The following KALRN variants were observed in gnomAD, a reference collection of about 807,000 sequenced individuals.
KALRN encodes the protein kalirin RhoGEF kinase.
KALRN carries 70 observed loss-of-function variants against 353.7 expected under a neutral mutation model. The observed-to-expected ratio is 0.20, with a 90% confidence interval of 0.16 to 0.24. The LOEUF is 0.24. KALRN is among the 10% of genes least tolerant of loss of function. The pLI, the probability that KALRN is intolerant of heterozygous loss-of-function variation, is 1.00. For synonymous variants in KALRN, 1,391 were observed against 1,434.8 expected (o/e 0.97, Z 0.69); for missense variants, 2,791 against 3,756.7 (o/e 0.74, Z 6.72).
intron 1 of KALRN, among the ~76,000 whole-genome samples, chr3:124,058,205 A>G (rs186776750): frequency 1.3e-5 from 2 of 152,234 alleles, no homozygotes; most frequent in African/African-American, 2.4e-5. Context: ...ATTCAAGATG[A>G]GATTTGGGTG....
intron 3 of KALRN, among the ~76,000 whole-genome samples, chr3:124,239,429 C>A (rs2080177232): frequency 6.6e-6 from 1 of 152,188 alleles, no homozygotes; most frequent in South Asian, 2.1e-4. Context: ...CTCCTAAGGG[C>A]ACCAGTTGAT....
intron 34 of KALRN, among the ~76,000 whole-genome samples, chr3:124,629,378 C>T (rs1276510562): frequency 1.3e-5 from 2 of 151,694 alleles, no homozygotes; most frequent in East Asian, 1.9e-4. Context: ...AAAGCAGTAA[C>T]AACAACAACA....
At chr3:124,697,930 G>A (rs1277807629) in intron 55 of KALRN, among the ~76,000 whole-genome samples, 1 of 152,040 alleles carries the variant, frequency 6.6e-6, no homozygotes, top group East Asian at 1.9e-4. Flanking sequence ...CCAAAGTGCT[G>A]GGATTACAGG....
At chr3:124,221,967 T>G (rs2077968302) in intron 1 of KALRN, among the ~76,000 whole-genome samples, 1 of 152,150 alleles carries the variant, frequency 6.6e-6, no homozygotes, top group Non-Finnish European at 1.5e-5. Flanking sequence ...ACCCCTCCTT[T>G]CTGTTTCCTG....
intron 34 of KALRN, among the ~76,000 whole-genome samples, chr3:124,603,878 A>G (rs180967151): frequency 1.3e-5 from 2 of 152,278 alleles, no homozygotes; most frequent in African/African-American, 4.8e-5. Context: ...TCTCTAGAAT[A>G]ATACATTATA....
chr3:124,634,400 G>A (rs2081130599), intron 36 of KALRN, among the ~76,000 whole-genome samples: 1 of 152,210 alleles, frequency 6.6e-6, no homozygotes. Context: ...ATTTTGCAAT[G>A]ACGGTATGAG....
chr3:124,334,089 C>A lies in KALRN; in HGVS notation c.1417-176C>A, dbSNP rs905046373. ...CAGGGGATTCCAGCTGCTCTGCCCT[C>A]CACCAGGCCGGAGGATGGGCCCCAT... On this transcript the variant is annotated intron_variant, in intron 8 of 59. Coordinates refer to ENST00000682506, the MANE Select transcript of KALRN (RefSeq NM_001388419.1). The surrounding 1 kb of genome is among the most constrained non-coding windows in gnomAD (Gnocchi z 4.2). 1.3e-5 allele frequency among the ~76,000 whole-genome samples: 2 copies of A among 152,204 alleles called. No homozygotes were observed. The highest frequency in any genetic ancestry group is 2.9e-5 in the Non-Finnish European group (2 of 68,036).
chr3:124,088,650 A>G (rs1357341993), intron 1 of KALRN, among the ~76,000 whole-genome samples: 3 of 152,152 alleles, frequency 2.0e-5, no homozygotes, highest in Non-Finnish European at 1.5e-5. Flanking sequence ...GTTTTATGGG[A>G]TTAGTCTTAT....
Position 124,347,238 on chromosome 3 carries a change from G to A in KALRN, c.1743G>A (p.Arg581=). The stretch of plus-strand genomic sequence containing the variant: ...ATCGAGCCCGGGCCCTGCAGAAGAG[G>A]CATGATGACTTTGAAGAGGTGGCTC... The part of the protein sequence containing the change: ...SLHRARALQK[R]HDDFEEVAQN... Residue 581 remains arginine, a synonymous_variant, in exon 10 of 60, where the codon AGG becomes AGA. Coordinates refer to ENST00000682506, the MANE Select transcript of KALRN (RefSeq NM_001388419.1). 2 of 1,606,886 alleles carry A rather than the reference G, an allele frequency of 1.2e-6. No homozygotes were observed. Among genetic ancestry groups the A allele is most frequent in the Non-Finnish European group, 1.7e-6 (2 of 1,176,872 alleles).
intron 37 of KALRN, 49 bp downstream of exon 37, chr3:124,637,352 T>C (rs1341074350): frequency 7.6e-7 from 1 of 1,316,942 alleles, no homozygotes; most frequent in South Asian, 1.2e-5. Flanking sequence ...ACCTTCACAC[T>C]GCTCCAGGCT....
At chr3:124,042,474 G>T (rs2040051610) in intron 1 of KALRN, among the ~76,000 whole-genome samples, 1 of 152,192 alleles carries the variant, frequency 6.6e-6, no homozygotes, top group Non-Finnish European at 1.5e-5. Flanking sequence ...AGATCACTGT[G>T]ATAGGCTAGG....
At chr3:124,659,586 G>T (rs2084551923) in intron 43 of KALRN, 129 bp downstream of exon 43, 1 of 638,142 alleles carries the variant, frequency 1.6e-6, no homozygotes, top group Non-Finnish European at 2.8e-6. Context: ...AACTGTGGGA[G>T]GGGTGGTAGG....
rs1261553434 is a variant in KALRN, at chr3:124,461,967, C to T, written c.3921+11C>T. 13 of 1,598,170 alleles carry T rather than the reference C, an allele frequency of 8.1e-6. No individual in the cohort carries two copies. In the East Asian group the frequency reaches 2.2e-4, roughly 27 times the overall value. ...CATGAGTGCTTAGAGGTGAGTCTTC[C>T]AGTAATCCGTTCACAGCTATATTGG... On this transcript the variant is annotated intron_variant, in intron 24 of 59. Coordinates refer to ENST00000682506, the MANE Select transcript of KALRN (RefSeq NM_001388419.1).
Position 124,719,294 on chromosome 3 carries a change from G to A in KALRN, c.8785G>A (p.Ala2929Thr), listed in dbSNP as rs1312051017. The part of the protein sequence containing the change: ...LQEDFRRRPT[A>T]ATCLQHPWLQ... Reference sequence around the variant, plus strand: ...GGAAGATTTTCGGAGGCGGCCCACAGCAGCCACATGCTTGCAGCATCCATG... The same window carrying A: ...GGAAGATTTTCGGAGGCGGCCCACAACAGCCACATGCTTGCAGCATCCATG... Residue 2929 changes from alanine (A) to threonine (T), a missense_variant, in exon 60 of 60, where the codon GCA (alanine) becomes ACA (threonine). Physicochemically the swap from Ala to Thr is moderately conservative, Grantham distance 58. Coordinates refer to ENST00000682506, the MANE Select transcript of KALRN (RefSeq NM_001388419.1). This position sits in a 1 kb window ranked among gnomAD's most constrained non-coding sequence, Gnocchi z 5.3. The A allele has an allele frequency of 1.9e-6, 3 of 1,614,232 alleles. No individual in the cohort carries two copies. In the South Asian group the frequency reaches 3.3e-5, roughly 18 times the overall value.
intron 27 of KALRN, among the ~76,000 whole-genome samples, chr3:124,478,749 TTTGAAGTTTTAAA>T (rs1271477494): frequency 6.6e-6 from 1 of 152,222 alleles, no homozygotes; most frequent in Non-Finnish European, 1.5e-5. Context: ...GAAGGGTCTT[TTTGAAGTTTTAAA>T]TGCATTGTGT....
At chr3:124,240,509 G>A (rs895926880) in intron 3 of KALRN, among the ~76,000 whole-genome samples, 6 of 152,310 alleles carry the variant, frequency 3.9e-5, no homozygotes, top group Admixed American at 3.3e-4. Context: ...GTGAGAGGCT[G>A]CCTGACAGGA....
rs35158681 is a variant in KALRN, at chr3:124,392,611, C to CTT, written c.1963-2512_1963-2511dup. On this transcript the variant is annotated intron_variant, in intron 11 of 59. Transcript: ENST00000682506. The stretch of plus-strand genomic sequence containing the variant: ...ATTGTATATTTTCTTTTCTTTCTTT[C>CTT]TTTTTTTTTTTTTGAGACAGTCTCC... Among the ~76,000 whole-genome samples, 161 of 107,726 alleles carry CTT rather than the reference C, an allele frequency of 1.5e-3. 4 individuals are homozygous for CTT. The highest frequency in any genetic ancestry group is 2.9e-3 in the Admixed American group (30 of 10,188). 70.7% of individuals were successfully genotyped at this position (107,726 alleles called of 152,430 possible). A position where few individuals can be genotyped will look rare whatever the true frequency, so the allele number is the denominator to read the frequency against.
intron 55 of KALRN, among the ~76,000 whole-genome samples, 196 bp from the exon 56 acceptor site, chr3:124,699,673 C>T (rs2062224860): frequency 6.6e-6 from 1 of 152,228 alleles, no homozygotes; most frequent in South Asian, 2.1e-4. Context: ...CCACGCCTCT[C>T]ACCATTTATT....
chr3:124,398,879 G>A lies in KALRN; in HGVS notation c.2346+8G>A, dbSNP rs770277982. On this transcript the variant is annotated splice_region_variant and intron_variant, in intron 13 of 59. Coordinates refer to ENST00000682506, the MANE Select transcript of KALRN (RefSeq NM_001388419.1). ...GAGCAGTACACCATCGAGGTAGCAG[G>A]GGGCCAGGAGGGGAGGTGGAGAGGG... 1 of 1,591,802 alleles carries A rather than the reference G, an allele frequency of 6.3e-7. No homozygotes were observed. The highest frequency in any genetic ancestry group is 8.6e-7 in the Non-Finnish European group (1 of 1,168,096).
Sources: allele counts gnomAD v4.1 joint callset (sites outside exome capture counted in the v4.1 genomes callset), GRCh38; gene constraint gnomAD v4.1.1; non-coding constraint Gnocchi (gnomAD v3.1); transcripts MANE v1.5; gene names NCBI Gene and HGNC (gene_info 2026-07-23, HGNC 2026-07-21).